Variants in TARDBP observed in about 807,000 individuals in gnomAD.
The protein encoded by TARDBP is TAR DNA-binding protein 43.
In TARDBP, 4 loss-of-function variants were observed where a neutral mutation model predicts 38.3. The observed-to-expected ratio is 0.10, with a 90% CI of 0.05 to 0.24. The LOEUF (loss-of-function observed/expected upper bound fraction) is 0.24. TARDBP is among the 10% of genes least tolerant of loss of function. The pLI, the probability that TARDBP is intolerant of heterozygous loss-of-function variation, is 1.00. For synonymous variants in TARDBP, 184 were observed against 183.8 expected, an observed-to-expected ratio of 1.00 and a Z score of -0.01; for missense variants, 202 against 521.9, an observed-to-expected ratio of 0.39 and a Z score of 5.97.
downstream of TARDBP, chr1:11,027,167 A>G (rs1643750062): frequency 1.2e-6 from 2 of 1,614,136 alleles, no homozygotes; most frequent in South Asian, 1.1e-5. Flanking sequence ...TTTGATGGTC[A>G]ACAATCGGTA....
chr1:11,026,026 A>G (rs1291700681), downstream of TARDBP: 1 of 99,896 alleles, frequency 1.0e-5, no homozygotes. Flanking sequence ...CTATAATGTC[A>G]CCACTTATTT....
At chr1:11,017,701 C>A (rs1464554721) in intron 3 of TARDBP, among the ~76,000 whole-genome samples, 1 of 152,114 alleles carries the variant, frequency 6.6e-6, no homozygotes, top group African/African-American at 2.4e-5. Context: ...TTTTCCATTT[C>A]ATTTAAAATT....
chr1:11,026,903 G>T (rs147650324), downstream of TARDBP: 3 of 1,483,940 alleles, frequency 2.0e-6, no homozygotes, highest in African/African-American at 4.3e-5. Context: ...CACTAATTAT[G>T]TTCTCGATCC....
intron 4 of TARDBP, among the ~76,000 whole-genome samples, chr1:11,019,843 G>A (rs1023526490): frequency 7.9e-5 from 12 of 151,674 alleles, no homozygotes; most frequent in Non-Finnish European, 1.8e-4. Flanking sequence ...TGGGATTACA[G>A]GTGTGAGCCA....
In TARDBP at chr1:11,013,925, T is replaced by A. The variant is rs61730366; in HGVS notation, c.198T>A (p.Ala66=). 6.2e-7 allele frequency: 1 copy of A among 1,614,212 alleles called. No individual in the cohort carries two copies. The highest frequency in any genetic ancestry group is 8.5e-7 in the Non-Finnish European group (1 of 1,180,034). The part of the protein sequence containing the change: ...LVEGILHAPD[A]GWGNLVYVVN... Reference sequence around the variant, plus strand: ...AAGGAATTCTGCATGCCCCAGATGCTGGCTGGGGAAATCTGGTGTATGTTG... The same window carrying A: ...AAGGAATTCTGCATGCCCCAGATGCAGGCTGGGGAAATCTGGTGTATGTTG... Residue 66 remains alanine, a synonymous_variant, in exon 2 of 6, where the codon GCT becomes GCA. Transcript: ENST00000240185.
chr1:11,030,311 T>C (rs113868752), downstream of TARDBP: 2 of 1,167,692 alleles, frequency 1.7e-6, no homozygotes, highest in South Asian at 1.2e-5. Context: ...TGTCATTTGC[T>C]TGAATACCCC....
chr1:11,019,065 C>A, intron 4 of TARDBP, 192 bp downstream of exon 4: 3 of 701,592 alleles, frequency 4.3e-6, no homozygotes, highest in South Asian at 1.7e-5. Flanking sequence ...TTTATTACTT[C>A]TCCAAACTAA....
chr1:11,016,354 T>C, intron 2 of TARDBP: 1 of 173,528 alleles, frequency 5.8e-6, no homozygotes, highest in Non-Finnish European at 1.2e-5. Context: ...ATAGGCACAC[T>C]GCAGCCTCAA....
At chr1:11,027,329 A>G (rs72550845), downstream of TARDBP, 3,546 of 1,614,064 alleles carry the variant, frequency 2.2e-3, 86 homozygotes, top group African/African-American at 0.041. Context: ...CAACTTTGTT[A>G]TTCAATTTAA....
intron 2 of TARDBP, among the ~76,000 whole-genome samples, 185 bp downstream of exon 2, chr1:11,014,150 A>G (rs753342784): frequency 8.5e-5 from 13 of 152,228 alleles, no homozygotes; most frequent in Non-Finnish European, 1.8e-4. Context: ...ATTGTAGATC[A>G]TTTTAAAAGA....
Position 11,022,079 on chromosome 1 carries a change from A to G in TARDBP, c.715-45A>G, listed in dbSNP as rs1471639513. On this transcript the variant is annotated intron_variant, in intron 5 of 5. Coordinates refer to ENST00000240185, the MANE Select transcript of TARDBP (RefSeq NM_007375.4). The surrounding 1 kb of genome is among the most constrained non-coding windows in gnomAD (Gnocchi z 4.5). ...TTTTGTTGCTACTTTAAATATATGA[A>G]TCAGTGGTTTAATCTTCTTTGTTTA... The G allele has an allele frequency of 1.9e-6, 3 of 1,608,240 alleles. No individual in the cohort carries two copies. The highest frequency in any genetic ancestry group is 2.6e-6 in the Non-Finnish European group (3 of 1,175,050).
chr1:11,021,482 T>C (rs956478591), intron 5 of TARDBP, among the ~76,000 whole-genome samples: 11 of 152,102 alleles, frequency 7.2e-5, no homozygotes, highest in African/African-American at 2.7e-4. Context: ...TTCACTGTTT[T>C]GATCTGGCTG....
intron 4 of TARDBP, among the ~76,000 whole-genome samples, chr1:11,020,030 AT>A (rs1455025020): frequency 6.7e-6 from 1 of 150,080 alleles, no homozygotes; most frequent in African/African-American, 2.5e-5. Context: ...CACCCGGCTG[AT>A]TTTTGTATTA....
At chr1:11,013,164 G>C (rs978324250) in intron 1 of TARDBP, among the ~76,000 whole-genome samples, 6 of 152,246 alleles carry the variant, frequency 3.9e-5, no homozygotes, top group African/African-American at 1.4e-4. Flanking sequence ...CGCGGGCCTT[G>C]GGGCTCGGGC....
At chr1:11,030,415 C>T, downstream of TARDBP, 2 of 602,090 alleles carry the variant, frequency 3.3e-6, no homozygotes, top group South Asian at 4.1e-5. Flanking sequence ...CTCTGCATTA[C>T]CATGTTTGCT....
chr1:11,018,083 C>T (rs1372616666), intron 3 of TARDBP, among the ~76,000 whole-genome samples: 1 of 151,188 alleles, frequency 6.6e-6, no homozygotes, highest in East Asian at 2.0e-4. Flanking sequence ...GGGGTTTCAC[C>T]GTGTTAGGCA....
At position 11,022,437 on chromosome 1, in the gene TARDBP, A is replaced by C; in HGVS notation, c.1028A>C (p.Gln343Pro). 6.2e-7 allele frequency: 1 copy of C among 1,613,904 alleles called. No individual in the cohort carries two copies. The highest frequency in any genetic ancestry group is 8.5e-7 in the Non-Finnish European group (1 of 1,179,762). Residue 343 changes from glutamine (Q) to proline (P), a missense_variant, in exon 6 of 6, where the codon CAG becomes CCG. Physicochemically the swap from Gln to Pro is moderately conservative, Grantham distance 76. Coordinates refer to ENST00000240185, the MANE Select transcript of TARDBP (RefSeq NM_007375.4). This position sits in a 1 kb window ranked among gnomAD's most constrained non-coding sequence, Gnocchi z 4.5. Reference sequence around the variant, plus strand: ...GGTATGATGGGCATGTTAGCCAGCCAGCAGAACCAGTCAGGCCCATCGGGT... The same window carrying C: ...GGTATGATGGGCATGTTAGCCAGCCCGCAGAACCAGTCAGGCCCATCGGGT... ...SWGMMGMLAS[Q>P]QNQSGPSGNN...
intron 2 of TARDBP, 111 bp from the exon 3 acceptor site, chr1:11,016,733 T>G: frequency 8.6e-7 from 1 of 1,157,204 alleles, no homozygotes; most frequent in Admixed American, 2.2e-5. Context: ...TTTCAGTGTC[T>G]TATTCTTCTT....
chr1:11,014,809 T>C (rs1364669114), intron 2 of TARDBP, among the ~76,000 whole-genome samples: 1 of 152,034 alleles, frequency 6.6e-6, no homozygotes, highest in East Asian at 1.9e-4. Context: ...TGGTGGTGGG[T>C]GCCTGTAATA....
Sources: allele counts gnomAD v4.1 joint callset (sites outside exome capture counted in the v4.1 genomes callset), GRCh38; gene constraint gnomAD v4.1.1; non-coding constraint Gnocchi (gnomAD v3.1); transcripts MANE v1.5; gene names NCBI Gene and HGNC (gene_info 2026-07-23, HGNC 2026-07-21).